Variants in USP37 observed in about 807,000 individuals in gnomAD.
The protein encoded by USP37 is ubiquitin specific peptidase 37, also known as ubiquitin carboxyl-terminal hydrolase 37.
USP37 carries 27 observed loss-of-function variants against 124.0 expected under a neutral mutation model. The ratio of observed to expected loss-of-function variants is 0.22; its 90% CI spans 0.16 to 0.30. USP37 has a LOEUF of 0.30. Ranked by LOEUF, USP37 falls within the 10% of genes least tolerant of loss-of-function variation. The pLI is 1.00. For missense variants in USP37, 889 were observed against 1,140.4 expected, an observed-to-expected ratio of 0.78 and a Z score of 3.17; for synonymous variants, 365 against 388.0, an observed-to-expected ratio of 0.94 and a Z score of 0.70.
intron 16 of USP37, among the ~76,000 whole-genome samples, chr2:218,484,036 G>A (rs1691406176): frequency 6.6e-6 from 1 of 152,024 alleles, no homozygotes; most frequent in South Asian, 2.1e-4. Context: ...GCGCGTTCCT[G>A]TAATCCCAGC....
At position 218,474,683 on chromosome 2, in the gene USP37, G is replaced by A. The variant is rs1690867743; in HGVS notation, c.2246C>T (p.Pro749Leu). The A allele has an allele frequency of 1.2e-6, 2 of 1,614,118 alleles. No individual in the cohort carries two copies. Among genetic ancestry groups the A allele is most frequent in the Non-Finnish European group, 1.7e-6 (2 of 1,180,018 alleles). Residue 749 changes from proline (P) to leucine (L), a missense_variant, in exon 20 of 26, where the codon CCA (proline) becomes CTA (leucine). By Grantham distance (98) the Pro-to-Leu change is moderately conservative. Transcript: ENST00000258399. Reference sequence around the variant, plus strand: ...AGTTTCCATAGTGTCTGGATTTTCTGGCATTTCTTGAATATCATCTTCTGC... The same window carrying A: ...AGTTTCCATAGTGTCTGGATTTTCTAGCATTTCTTGAATATCATCTTCTGC... ...GFAEDDIQEM[P>L]ENPDTMETEK... is the part of the protein sequence containing the mutation.
At chr2:218,487,010 GC>G (rs1413197569) in intron 15 of USP37, among the ~76,000 whole-genome samples, 25 of 152,092 alleles carry the variant, frequency 1.6e-4, no homozygotes, top group Non-Finnish European at 2.9e-4. Context: ...ACAGGCGTTA[GC>G]CACCGTGCCC....
At chr2:218,544,875 G>C (rs1297943774) in intron 8 of USP37, among the ~76,000 whole-genome samples, 1 of 152,198 alleles carries the variant, frequency 6.6e-6, no homozygotes, top group African/African-American at 2.4e-5. Flanking sequence ...ATGTGTGCAT[G>C]AGGTCTGGAG....
intron 10 of USP37, among the ~76,000 whole-genome samples, chr2:218,528,051 A>G (rs1163965735): frequency 6.6e-6 from 1 of 152,054 alleles, no homozygotes; most frequent in Non-Finnish European, 1.5e-5. Flanking sequence ...AAATACAAAA[A>G]AAGAGCTGGG....
intron 9 of USP37, 125 bp downstream of exon 9, chr2:218,534,484 G>A (rs779921658): frequency 6.6e-5 from 27 of 406,106 alleles, no homozygotes; most frequent in East Asian, 1.4e-4. Context: ...GCAAGACTCC[G>A]TCTCAAAAAA....
At chr2:218,461,762 T>C (rs1048684720) in intron 22 of USP37, among the ~76,000 whole-genome samples, 3 of 151,950 alleles carry the variant, frequency 2.0e-5, no homozygotes, top group South Asian at 2.1e-4. Context: ...TCCTAGGACT[T>C]TGGGAGGCCG....
intron 20 of USP37, among the ~76,000 whole-genome samples, chr2:218,468,916 C>T (rs1344288198): frequency 1.3e-5 from 2 of 152,188 alleles, no homozygotes; most frequent in African/African-American, 4.8e-5. Context: ...TGGTCTTGAA[C>T]TCCTGACCTC....
At chr2:218,460,864 C>A (rs1689982086) in intron 22 of USP37, among the ~76,000 whole-genome samples, 1 of 151,922 alleles carries the variant, frequency 6.6e-6, no homozygotes, top group African/African-American at 2.4e-5. Flanking sequence ...TCACTTGAAC[C>A]CGGGAGGCGG....
At chr2:218,479,485 A>T (rs2105972542) in intron 18 of USP37, among the ~76,000 whole-genome samples, 165 bp downstream of exon 18, 1 of 152,322 alleles carries the variant, frequency 6.6e-6, no homozygotes, top group South Asian at 2.1e-4. Flanking sequence ...ATATCCTTCA[A>T]TATATTCTAA....
intron 19 of USP37, 79 bp from the exon 20 acceptor site, chr2:218,474,964 CT>C: frequency 7.0e-7 from 1 of 1,437,692 alleles, no homozygotes; most frequent in Non-Finnish European, 9.2e-7. Flanking sequence ...AAAGTAGCAA[CT>C]TTATTTCTAA....
At chr2:218,528,778 T>C in intron 10 of USP37, 1 of 413,190 alleles carries the variant, frequency 2.4e-6, no homozygotes, top group Non-Finnish European at 4.2e-6. Flanking sequence ...AGCAGGTATC[T>C]TATGTATTTA....
chr2:218,490,446 C>A (rs566922000), intron 14 of USP37, among the ~76,000 whole-genome samples: 7 of 152,174 alleles, frequency 4.6e-5, no homozygotes, highest in African/African-American at 1.7e-4. Context: ...AATTTTAAAA[C>A]GTGAGCTCAG....
At position 218,507,669 on chromosome 2, in the gene USP37, T is replaced by C. The variant is rs552190012; in HGVS notation, c.1025+2310A>G. 2.6e-4 allele frequency among the ~76,000 whole-genome samples: 40 copies of C among 152,298 alleles called. 1 individual carries two copies. In the South Asian group the frequency reaches 8.3e-3, roughly 32 times the overall value. The stretch of plus-strand genomic sequence containing the variant: ...CTTAGTTTAGCAAAGTATAGTTTCT[T>C]TAATGGATGAGAATGATGGAGGTGG... On this transcript the variant is annotated intron_variant, in intron 11 of 25. Transcript: ENST00000258399.
At chr2:218,482,519 T>C (rs950957096) in intron 16 of USP37, among the ~76,000 whole-genome samples, 7 of 152,168 alleles carry the variant, frequency 4.6e-5, no homozygotes, top group African/African-American at 1.7e-4. Flanking sequence ...AATGTTAAAT[T>C]TGGCACTGAT....
At chr2:218,489,677 A>G (rs374702802) in intron 14 of USP37, among the ~76,000 whole-genome samples, 2 of 151,846 alleles carry the variant, frequency 1.3e-5, no homozygotes, top group East Asian at 4.0e-4. Context: ...ATGGGGTTTC[A>G]TCATGTTAGC....
intron 10 of USP37, among the ~76,000 whole-genome samples, chr2:218,519,250 A>G (rs746145549): frequency 1.3e-5 from 2 of 152,238 alleles, no homozygotes; most frequent in Non-Finnish European, 2.9e-5. Context: ...CTTCCCCCAG[A>G]GAGAATTTTC....
Position 218,476,921 on chromosome 2 carries a change from A to C in USP37, c.1962T>G (p.Asp654Glu). The C allele has an allele frequency of 3.1e-6, 5 of 1,608,768 alleles. No individual in the cohort carries two copies. Among genetic ancestry groups the C allele is most frequent in the Non-Finnish European group, 3.4e-6 (4 of 1,177,818 alleles). ...TGAGGGCCACAGAACGTTTTAGCTCATCCTCACTGTCTGAATCAAGGCATA... is the reference window on the plus strand; with the variant it reads ...TGAGGGCCACAGAACGTTTTAGCTCCTCCTCACTGTCTGAATCAAGGCATA... ...LALCLDSDSE[D>E]ELKRSVALSQ... Residue 654 changes from aspartate to glutamate, a missense_variant, in exon 19 of 26, where the codon GAT (aspartate) becomes GAG (glutamate). Asp to Glu is a conservative substitution (Grantham distance 45). This residue lies in a region of USP37 where 504 missense variants were observed against 714.3 expected (regional missense o/e 0.71). Transcript: ENST00000258399.
chr2:218,519,061 A>C (rs1690448226), intron 10 of USP37, among the ~76,000 whole-genome samples: 2 of 152,248 alleles, frequency 1.3e-5, no homozygotes, highest in African/African-American at 2.4e-5. Context: ...GTTTTTCAGT[A>C]ATACCACAAA....
intron 18 of USP37, among the ~76,000 whole-genome samples, chr2:218,479,336 C>T (rs1691128814): frequency 6.6e-6 from 1 of 152,076 alleles, no homozygotes; most frequent in Non-Finnish European, 1.5e-5. Flanking sequence ...CCCTTAAATC[C>T]CTAGACTCCC....
Sources: allele counts gnomAD v4.1 joint callset (sites outside exome capture counted in the v4.1 genomes callset), GRCh38; gene constraint gnomAD v4.1.1; regional missense constraint gnomAD v4.1.1; transcripts MANE v1.5; gene names NCBI Gene and HGNC (gene_info 2026-07-23, HGNC 2026-07-21).